The following DCC variants were observed in gnomAD, a reference collection of about 807,000 sequenced individuals.
DCC encodes netrin receptor DCC.
DCC carries 58 observed loss-of-function variants against 172.5 expected under a neutral mutation model. The ratio of observed to expected loss-of-function variants is 0.34; its 90% CI spans 0.27 to 0.42. DCC has a LOEUF of 0.42. Ranked by LOEUF, DCC falls within the 10% of genes least tolerant of loss-of-function variation. The pLI is 1.00. For missense variants in DCC, 1,740 were observed against 1,791.0 expected (o/e 0.97, Z 0.51); for synonymous variants, 709 against 644.5 (o/e 1.10, Z -1.52).
At chr18:52,906,548 C>T (rs2039885595) in intron 3 of DCC, among the ~76,000 whole-genome samples, 1 of 146,668 alleles carries the variant, frequency 6.8e-6, no homozygotes, top group Admixed American at 6.9e-5. Flanking sequence ...TCTGGAAAAA[C>T]AGTTATCTCT....
chr18:53,020,435 A>G (rs2041864022), intron 5 of DCC, among the ~76,000 whole-genome samples: 1 of 152,204 alleles, frequency 6.6e-6, no homozygotes, highest in African/African-American at 2.4e-5. Flanking sequence ...CATGTTCATA[A>G]AAATGTCACT....
At chr18:52,741,120 A>T (rs923554174) in intron 1 of DCC, among the ~76,000 whole-genome samples, 1 of 152,188 alleles carries the variant, frequency 6.6e-6, no homozygotes, top group Non-Finnish European at 1.5e-5. Flanking sequence ...CATATAAACT[A>T]CATAAATTGC....
At position 53,036,314 on chromosome 18, in the gene DCC, G is replaced by A. The variant is rs185282310; in HGVS notation, c.986-26991G>A. Among the ~76,000 whole-genome samples, 1,318 of 152,082 alleles carry A rather than the reference G, an allele frequency of 8.7e-3. 23 individuals carry two copies. The highest frequency in any genetic ancestry group is 0.031 in the African/African-American group (1,270 of 41,536). ...AGATTGATCTATTAGGGCACAATTT[G>A]AGTATCTTGCAAAATTTGCACTTTC... On this transcript the variant is annotated intron_variant, in intron 5 of 28. Transcript: ENST00000442544.
chr18:52,481,684 T>C (rs1457248784), intron 1 of DCC, among the ~76,000 whole-genome samples: 2 of 151,998 alleles, frequency 1.3e-5, no homozygotes, highest in Non-Finnish European at 2.9e-5. Flanking sequence ...AATGCTGAGG[T>C]TAATGTTGGA....
chr18:52,864,009 G>GC (rs1724225969), intron 2 of DCC, among the ~76,000 whole-genome samples: 1 of 152,018 alleles, frequency 6.6e-6, no homozygotes, highest in Non-Finnish European at 1.5e-5. Context: ...CTTAAATTAT[G>GC]AGTGGTCATT....
chr18:53,175,432 C>T (rs368902416), intron 8 of DCC, among the ~76,000 whole-genome samples: 29 of 152,126 alleles, frequency 1.9e-4, no homozygotes, highest in South Asian at 6.2e-4. Flanking sequence ...AAAACCCCAT[C>T]GTCTCAACCC....
At chr18:53,298,307 G>A (rs562540698) in intron 12 of DCC, among the ~76,000 whole-genome samples, 21 of 151,872 alleles carry the variant, frequency 1.4e-4, no homozygotes, top group South Asian at 2.1e-4. Flanking sequence ...GAGGGTGAGC[G>A]GGTGGATCCT....
chr18:53,294,270 T>TG (rs1280837598), intron 12 of DCC, among the ~76,000 whole-genome samples: 3 of 152,166 alleles, frequency 2.0e-5, no homozygotes, highest in Non-Finnish European at 4.4e-5. Context: ...TGTATACACT[T>TG]GAAAAAGATC....
chr18:52,640,245 C>G (rs1018879028), intron 1 of DCC, among the ~76,000 whole-genome samples: 10 of 152,088 alleles, frequency 6.6e-5, no homozygotes, highest in Non-Finnish European at 1.5e-5. Context: ...AAACTCCCAG[C>G]CAACATAATA....
At chr18:52,568,746 G>A (rs1219004551) in intron 1 of DCC, among the ~76,000 whole-genome samples, 3 of 152,094 alleles carry the variant, frequency 2.0e-5, no homozygotes, top group Non-Finnish European at 2.9e-5. Flanking sequence ...AAGCACAGGT[G>A]AGCTGCGAGA....
intron 12 of DCC, among the ~76,000 whole-genome samples, chr18:53,232,782 TTTC>T (rs1326766170): frequency 1.2e-4 from 19 of 152,250 alleles, no homozygotes; most frequent in African/African-American, 4.6e-4. Context: ...TTAATCTTGT[TTTC>T]TTCTCCTCGA....
chr18:52,556,899 G>A (rs890167117), intron 1 of DCC, among the ~76,000 whole-genome samples: 37 of 152,098 alleles, frequency 2.4e-4, no homozygotes, highest in Non-Finnish European at 1.0e-4. Context: ...CTCCTGTGTG[G>A]CAAAGTCAAG....
chr18:53,261,815 G>A (rs536633570), intron 12 of DCC, among the ~76,000 whole-genome samples: 39 of 152,200 alleles, frequency 2.6e-4, no homozygotes, highest in African/African-American at 8.7e-4. Context: ...GAATACCTTC[G>A]TGGGGTCTGC....
chr18:52,778,575 G>A (rs1243742221), intron 2 of DCC, among the ~76,000 whole-genome samples: 1 of 152,066 alleles, frequency 6.6e-6, no homozygotes, highest in Non-Finnish European at 1.5e-5. Flanking sequence ...GTTTCTAAAA[G>A]CTTCCTTTAG....
chr18:52,944,735 CTG>C (rs2040514761), intron 5 of DCC, among the ~76,000 whole-genome samples: 1 of 152,172 alleles, frequency 6.6e-6, no homozygotes, highest in Non-Finnish European at 1.5e-5. Flanking sequence ...AATCAGCAAT[CTG>C]TTTCATCTGG....
intron 5 of DCC, among the ~76,000 whole-genome samples, chr18:52,935,451 C>A (rs11082958): frequency 2.7e-3 from 415 of 152,080 alleles, no homozygotes; most frequent in African/African-American, 9.7e-3. Context: ...TCTATGAATT[C>A]AATTTACTAC....
intron 1 of DCC, among the ~76,000 whole-genome samples, chr18:52,386,275 G>T (rs1460252985): frequency 1.3e-5 from 2 of 151,908 alleles, no homozygotes; most frequent in East Asian, 3.9e-4. Flanking sequence ...GTTTTTAGGG[G>T]GTTTCCCATA....
chr18:53,529,003 T>TTCTCTCTCTCTC (rs144580817), intron 28 of DCC, among the ~76,000 whole-genome samples: 18 of 101,084 alleles, frequency 1.8e-4, no homozygotes, highest in African/African-American at 4.7e-4. Context: ...TCACTTCAAC[T>TTCTCTCTCTCTC]TCTCTCTCTC....
intron 15 of DCC, among the ~76,000 whole-genome samples, chr18:53,343,481 C>G (rs1250725766): frequency 6.6e-6 from 1 of 151,572 alleles, no homozygotes; most frequent in Admixed American, 6.6e-5. Flanking sequence ...GGTAACCAAC[C>G]TTGAATTTCC....
Sources: gnomAD v4.1 joint callset for allele counts (sites outside exome capture counted in the v4.1 genomes callset) on GRCh38, gnomAD v4.1.1 for gene constraint, MANE v1.5 for transcripts, NCBI Gene and HGNC (gene_info 2026-07-23, HGNC 2026-07-21) for gene names.